Variants in NFIA observed in about 807,000 individuals in gnomAD.
NFIA encodes the protein nuclear factor 1 A-type.
A neutral mutation model predicts 62.8 loss-of-function variants in NFIA; 8 were observed. The observed-to-expected ratio is 0.13, with a 90% CI of 0.07 to 0.23. The LOEUF (loss-of-function observed/expected upper bound fraction) is 0.23. NFIA is among the 10% of genes least tolerant of loss of function. The probability of loss-of-function intolerance (pLI) is 1.00; values close to 1 mark genes in which losing one functional copy is unlikely to be tolerated. For missense variants in NFIA, 410 were observed against 642.1 expected, an observed-to-expected ratio of 0.64 and a Z score of 3.91; for synonymous variants, 235 against 238.1, an observed-to-expected ratio of 0.99 and a Z score of 0.12.
intron 3 of NFIA, among the ~76,000 whole-genome samples, chr1:61,300,325 A>G (rs919258404): frequency 2.0e-5 from 3 of 152,158 alleles, no homozygotes; most frequent in Non-Finnish European, 4.4e-5. Context: ...CAGCAGATCT[A>G]TACCAGTTTC....
intron 4 of NFIA, among the ~76,000 whole-genome samples, chr1:61,335,611 G>C (rs1463990308): frequency 2.0e-5 from 3 of 152,188 alleles, no homozygotes; most frequent in Non-Finnish European, 4.4e-5. Flanking sequence ...GGGAGGCCAA[G>C]GCGGGTGGAT....
intron 2 of NFIA, among the ~76,000 whole-genome samples, chr1:61,112,265 A>G (rs1243451028): frequency 1.3e-5 from 2 of 151,994 alleles, no homozygotes; most frequent in African/African-American, 4.8e-5. Context: ...AGAATCCTTC[A>G]TTTTTAGTAT....
Position 61,089,699 on chromosome 1 carries a change from T to TTC in NFIA, c.559+1020_559+1021insCT, listed in dbSNP as rs1553149378. 4.7e-4 allele frequency among the ~76,000 whole-genome samples: 71 copies of TTC among 149,572 alleles called. 1 individual carries two copies. The highest frequency in any genetic ancestry group is 1.7e-3 in the African/African-American group (70 of 40,640). ...AAATATTTAACGTTTTTTTTTCTTT[T>TTC]TTTTTTTTTTTTTTTACAAAGGAGA... On this transcript the variant is annotated intron_variant, in intron 2 of 10. Transcript: ENST00000403491.
chr1:61,363,948 A>ATTTTTT (rs35401343), intron 6 of NFIA, among the ~76,000 whole-genome samples: 1 of 142,554 alleles, frequency 7.0e-6, no homozygotes, highest in Non-Finnish European at 1.5e-5. Flanking sequence ...TGCATCTACT[A>ATTTTTT]TTTTTTTTTT....
intron 3 of NFIA, among the ~76,000 whole-genome samples, chr1:61,318,793 T>G (rs1186255438): frequency 6.6e-6 from 1 of 152,140 alleles, no homozygotes; most frequent in Non-Finnish European, 1.5e-5. Context: ...TGTCCTTTAT[T>G]GTTCAGCCAG....
chr1:61,170,903 T>A (rs1649918545), intron 2 of NFIA, among the ~76,000 whole-genome samples: 1 of 66,428 alleles, frequency 1.5e-5, no homozygotes, highest in Non-Finnish European at 2.9e-5. Context: ...ATGAACTGTT[T>A]CAGTTTCATA....
chr1:61,294,159 T>A (rs555595063), intron 3 of NFIA, among the ~76,000 whole-genome samples: 6 of 152,350 alleles, frequency 3.9e-5, no homozygotes, highest in East Asian at 1.9e-4. Flanking sequence ...TCTTTGTTAC[T>A]TGACTCTTCT....
intron 2 of NFIA, among the ~76,000 whole-genome samples, chr1:61,266,416 G>A (rs11577416): frequency 0.09 from 13,620 of 151,456 alleles, 651 homozygotes; most frequent in South Asian, 0.14. Flanking sequence ...GTTTCACTCT[G>A]TGTCCCAGGC....
At chr1:61,106,380 A>G (rs184768464) in intron 2 of NFIA, among the ~76,000 whole-genome samples, 1 of 151,972 alleles carries the variant, frequency 6.6e-6, no homozygotes, top group East Asian at 1.9e-4. Context: ...GAGTTTGTCC[A>G]TGCTGGAGTT....
chr1:61,436,506 T>A (rs1046536953), intron 10 of NFIA, among the ~76,000 whole-genome samples: 1 of 152,210 alleles, frequency 6.6e-6, no homozygotes, highest in Non-Finnish European at 1.5e-5. Context: ...CTTTTGGACC[T>A]AGGCTTTCCC....
rs1570120819 is a variant in NFIA at position 61,087,438 on chromosome 1, G to C, written c.28-711G>C. On this transcript the variant is annotated intron_variant, in intron 1 of 10. Transcript: ENST00000403491. ...CCCATAGTATTAGCAATTATGTCTT[G>C]GGCATAGATCTTTTATTTTAGCCTA... 4.0e-5 allele frequency among the ~76,000 whole-genome samples: 6 copies of C among 149,906 alleles called. No individual in the cohort carries two copies. In the South Asian group the frequency reaches 1.3e-3, roughly 32 times the overall value.
At chr1:61,127,740 A>G (rs143449838) in intron 2 of NFIA, among the ~76,000 whole-genome samples, 1,770 of 152,292 alleles carry the variant, frequency 0.012, 20 homozygotes, top group Middle Eastern at 0.065. Context: ...CAATATTGTT[A>G]TACAGGCCTT....
intron 2 of NFIA, among the ~76,000 whole-genome samples, chr1:61,140,276 T>A (rs1490933356): frequency 6.7e-6 from 1 of 148,330 alleles, no homozygotes; most frequent in African/African-American, 2.5e-5. Context: ...CAATCAACAT[T>A]CCATGCTACT....
intron 2 of NFIA, among the ~76,000 whole-genome samples, chr1:61,152,497 T>C (rs1648492237): frequency 6.6e-6 from 1 of 152,200 alleles, no homozygotes; most frequent in South Asian, 2.1e-4. Context: ...TGAAAATATG[T>C]GGGCTTTATT....
chr1:61,160,375 A>G (rs939187697), intron 2 of NFIA, among the ~76,000 whole-genome samples: 2 of 152,322 alleles, frequency 1.3e-5, no homozygotes, highest in South Asian at 2.1e-4. Context: ...CTGATTTCTA[A>G]TGAGCTCTTC....
At chr1:61,380,654 T>C (rs1019429526) in intron 6 of NFIA, among the ~76,000 whole-genome samples, 1 of 152,096 alleles carries the variant, frequency 6.6e-6, no homozygotes, top group African/African-American at 2.4e-5. Context: ...TTAAAGTATA[T>C]AATAAGGAAA....
chr1:61,160,369 T>C (rs1455583511), intron 2 of NFIA, among the ~76,000 whole-genome samples: 2 of 152,216 alleles, frequency 1.3e-5, no homozygotes, highest in Non-Finnish European at 2.9e-5. Flanking sequence ...AGCAATCTGA[T>C]TTCTAATGAG....
intron 2 of NFIA, among the ~76,000 whole-genome samples, chr1:61,216,345 C>T (rs915520715): frequency 2.6e-5 from 4 of 151,678 alleles, no homozygotes; most frequent in South Asian, 2.1e-4. Flanking sequence ...TATCTGTCAT[C>T]GCCACAAACC....
At chr1:61,207,869 G>C (rs1223205823) in intron 2 of NFIA, among the ~76,000 whole-genome samples, 2 of 152,140 alleles carry the variant, frequency 1.3e-5, no homozygotes, top group Admixed American at 6.5e-5. Flanking sequence ...ACCATTTTGA[G>C]GGAAATGTGC....
Sources: gnomAD v4.1 joint callset for allele counts (sites outside exome capture counted in the v4.1 genomes callset) on GRCh38, gnomAD v4.1.1 for gene constraint, MANE v1.5 for transcripts, NCBI Gene and HGNC (gene_info 2026-07-23, HGNC 2026-07-21) for gene names.